Variants in FAT3 observed in about 807,000 individuals in gnomAD.
The protein encoded by FAT3 is FAT atypical cadherin 3, also known as protocadherin Fat 3.
FAT3 carries 95 observed loss-of-function variants against 310.2 expected under a neutral mutation model. The ratio of observed to expected loss-of-function variants is 0.31; its 90% CI spans 0.26 to 0.36. The LOEUF (loss-of-function observed/expected upper bound fraction) is 0.36, where lower values mean the gene tolerates loss of function less well. FAT3 is among the 10% of genes least tolerant of loss of function. The probability of loss-of-function intolerance (pLI) is 1.00; values close to 1 mark genes in which losing one functional copy is unlikely to be tolerated. For synonymous variants in FAT3, 2,314 were observed against 2,192.9 expected, an observed-to-expected ratio of 1.06 and a Z score of -1.54; for missense variants, 5,408 against 5,715.6, an observed-to-expected ratio of 0.95 and a Z score of 1.74.
intron 6 of FAT3, among the ~76,000 whole-genome samples, chr11:92,772,574 A>T (rs571555223): frequency 6.6e-6 from 1 of 152,196 alleles, no homozygotes; most frequent in African/African-American, 2.4e-5. Flanking sequence ...CTCCTCATCA[A>T]ATCAATTAAA....
intron 3 of FAT3, among the ~76,000 whole-genome samples, chr11:92,581,029 T>C (rs565094918): frequency 2.0e-5 from 3 of 152,176 alleles, no homozygotes; most frequent in Admixed American, 2.0e-4. Context: ...GCTAATTCCA[T>C]CATTCATTGC....
chr11:92,758,872 C>G (rs1946071862), intron 4 of FAT3, among the ~76,000 whole-genome samples: 1 of 152,066 alleles, frequency 6.6e-6, no homozygotes, highest in Non-Finnish European at 1.5e-5. Context: ...TTCTAGTGTG[C>G]ACCAGTGTGT....
At chr11:92,414,606 G>A (rs926226067) in intron 2 of FAT3, among the ~76,000 whole-genome samples, 1 of 152,112 alleles carries the variant, frequency 6.6e-6, no homozygotes, top group African/African-American at 2.4e-5. Context: ...ACAACACATG[G>A]GCTTGGATGA....
intron 1 of FAT3, among the ~76,000 whole-genome samples, chr11:92,329,865 A>G (rs1164574707): frequency 7.8e-6 from 1 of 128,518 alleles, no homozygotes; most frequent in Non-Finnish European, 1.7e-5. Flanking sequence ...TTTCTGCAGT[A>G]AGAAACTGTC....
chr11:92,863,797 A>G (rs1347165849), intron 21 of FAT3, among the ~76,000 whole-genome samples: 1 of 152,256 alleles, frequency 6.6e-6, no homozygotes, highest in Non-Finnish European at 1.5e-5. Context: ...AAGAGAACAT[A>G]GACATGAAAA....
At position 92,844,404 on chromosome 11, in the gene FAT3, C is replaced by T; in HGVS notation, c.11037C>T (p.Thr3679=). ...GCACCCTGCGGAATGCAGTCCTCACCCAGAAGCAGGACAGCCTGCGCATCA... is the reference window on the plus strand; with the variant it reads ...GCACCCTGCGGAATGCAGTCCTCACTCAGAAGCAGGACAGCCTGCGCATCA... ...FRRTLRNAVL[T]QKQDSLRIIS... The change falls in exon 19 of 28, where the codon ACC becomes ACT. Residue 3679 remains threonine (T), a synonymous_variant. Coordinates refer to ENST00000525166, the MANE Select transcript of FAT3 (RefSeq NM_001367949.2). 2 of 1,613,926 alleles carry T rather than the reference C, an allele frequency of 1.2e-6. No homozygotes were observed. The highest frequency in any genetic ancestry group is 1.7e-6 in the Non-Finnish European group (2 of 1,179,894).
At chr11:92,702,352 A>G (rs992033066) in intron 4 of FAT3, among the ~76,000 whole-genome samples, 3 of 152,154 alleles carry the variant, frequency 2.0e-5, no homozygotes, top group Non-Finnish European at 2.9e-5. Flanking sequence ...CTTGAAGGGG[A>G]GAGAATTAAC....
At chr11:92,373,048 A>G (rs1367260474) in intron 2 of FAT3, among the ~76,000 whole-genome samples, 1 of 152,270 alleles carries the variant, frequency 6.6e-6, no homozygotes, top group East Asian at 1.9e-4. Flanking sequence ...GTATGAATTC[A>G]TGAGCTGGAA....
intron 3 of FAT3, among the ~76,000 whole-genome samples, chr11:92,649,667 A>G (rs1313273482): frequency 6.6e-6 from 1 of 152,094 alleles, no homozygotes; most frequent in Non-Finnish European, 1.5e-5. Context: ...ACACATCGCC[A>G]TGGAATGCAG....
chr11:92,437,305 A>G (rs1358111761), intron 2 of FAT3, among the ~76,000 whole-genome samples: 1 of 152,142 alleles, frequency 6.6e-6, no homozygotes, highest in Non-Finnish European at 1.5e-5. Flanking sequence ...TTCATTTTAA[A>G]TGTGAGAAAA....
intron 13 of FAT3, among the ~76,000 whole-genome samples, chr11:92,823,904 C>G (rs1341661837): frequency 6.6e-6 from 1 of 152,084 alleles, no homozygotes; most frequent in Non-Finnish European, 1.5e-5. Context: ...ATGGCAACTT[C>G]CTGTTTTATT....
chr11:92,618,286 G>A lies in FAT3; in HGVS notation c.3608-79098G>A, dbSNP rs181829924. Among the ~76,000 whole-genome samples, 7 of 152,292 alleles carry A rather than the reference G, an allele frequency of 4.6e-5. No individual in the cohort carries two copies. In the East Asian group the frequency reaches 1.4e-3, roughly 30 times the overall value. On this transcript the variant is annotated intron_variant, in intron 3 of 27. Transcript: ENST00000525166. ...GTGTAGAACCCTCTGAGCCAGGCGC[G>A]GGATACAATCTCCTGGTGTGCCATT...
intron 13 of FAT3, among the ~76,000 whole-genome samples, chr11:92,822,971 A>G (rs1038932816): frequency 2.6e-5 from 4 of 152,110 alleles, no homozygotes; most frequent in East Asian, 3.9e-4. Flanking sequence ...GACAACTCCT[A>G]TCTTTCCTTC....
chr11:92,754,799 G>A (rs993643134), intron 4 of FAT3, among the ~76,000 whole-genome samples: 1 of 151,534 alleles, frequency 6.6e-6, no homozygotes, highest in Non-Finnish European at 1.5e-5. Flanking sequence ...ATCTGAGAGG[G>A]GGAGGTTGCA....
chr11:92,274,532 G>T (rs191130235), intron 1 of FAT3, among the ~76,000 whole-genome samples: 256 of 152,014 alleles, frequency 1.7e-3, no homozygotes, highest in African/African-American at 5.6e-3. Flanking sequence ...CTTGTCTTCT[G>T]TAAATACAAT....
At chr11:92,243,370 A>G (rs1222512740) in intron 1 of FAT3, among the ~76,000 whole-genome samples, 2 of 152,064 alleles carry the variant, frequency 1.3e-5, no homozygotes, top group Non-Finnish European at 2.9e-5. Flanking sequence ...GAATTATAAT[A>G]GCAGTTAAGT....
intron 4 of FAT3, among the ~76,000 whole-genome samples, chr11:92,745,582 G>GGA (rs370070326): frequency 6.8e-4 from 84 of 122,972 alleles, no homozygotes; most frequent in South Asian, 2.0e-3. Context: ...TCTCTGCAGG[G>GGA]AAAAAAAAAA....
intron 3 of FAT3, among the ~76,000 whole-genome samples, chr11:92,696,382 C>G (rs1352621987): frequency 6.6e-6 from 1 of 152,066 alleles, no homozygotes; most frequent in Non-Finnish European, 1.5e-5. Context: ...TTGGCTTTCT[C>G]TAAAATCTGT....
At chr11:92,461,493 A>G (rs1026030811) in intron 2 of FAT3, among the ~76,000 whole-genome samples, 18 of 152,284 alleles carry the variant, frequency 1.2e-4, no homozygotes, top group Middle Eastern at 6.8e-3. Context: ...GAACATCATA[A>G]TGTTGAAAAC....
Sources: allele counts gnomAD v4.1 joint callset (sites outside exome capture counted in the v4.1 genomes callset), GRCh38; gene constraint gnomAD v4.1.1; transcripts MANE v1.5; gene names NCBI Gene and HGNC (gene_info 2026-07-23, HGNC 2026-07-21).